Variants in TNS3 observed in about 807,000 individuals in gnomAD.
TNS3 encodes the protein tensin-3.
Under a neutral mutation model 140.9 loss-of-function variants are expected in TNS3, and 45 were observed. The observed-to-expected ratio is 0.32, with a 90% CI of 0.25 to 0.41. TNS3 has a LOEUF of 0.41. Ranked by LOEUF, TNS3 falls within the 10% of genes least tolerant of loss-of-function variation. TNS3 has a pLI of 1.00. For missense variants in TNS3, 1,716 were observed against 1,906.7 expected (o/e 0.90, Z 1.86); for synonymous variants, 815 against 788.4 (o/e 1.03, Z -0.56).
At chr7:47,356,780 C>T (rs1562630539) in intron 17 of TNS3, among the ~76,000 whole-genome samples, 1 of 152,052 alleles carries the variant, frequency 6.6e-6, no homozygotes, top group Non-Finnish European at 1.5e-5. Context: ...TTAATTAAAA[C>T]ATAGAAAAAA....
At chr7:47,483,704 C>G (rs2960228) in intron 3 of TNS3, among the ~76,000 whole-genome samples, 79,835 of 152,076 alleles carry the variant, frequency 0.52, 23,270 homozygotes, top group Middle Eastern at 0.66. Context: ...AACGGCCCAC[C>G]ACCTGGCCTG....
At chr7:47,304,693 C>T (rs552714634) in intron 21 of TNS3, 139 bp downstream of exon 21, 18 of 841,524 alleles carry the variant, frequency 2.1e-5, no homozygotes, top group African/African-American at 1.1e-4. Context: ...TCCCCTGCCC[C>T]GCCCCATCTT....
At chr7:47,321,349 C>T (rs1787724001) in intron 20 of TNS3, among the ~76,000 whole-genome samples, 1 of 152,152 alleles carries the variant, frequency 6.6e-6, no homozygotes, top group South Asian at 2.1e-4. Context: ...TCATGGGCAG[C>T]GTCTCCACGG....
chr7:47,403,000 G>A (rs1213191425), intron 13 of TNS3, among the ~76,000 whole-genome samples: 1 of 152,196 alleles, frequency 6.6e-6, no homozygotes, highest in Non-Finnish European at 1.5e-5. Context: ...AGTCCTGGCA[G>A]GCAGGGAGTG....
intron 27 of TNS3, among the ~76,000 whole-genome samples, chr7:47,285,056 G>C (rs1034810677): frequency 6.6e-6 from 1 of 152,226 alleles, no homozygotes; most frequent in Non-Finnish European, 1.5e-5. Flanking sequence ...CGTTCTGGCA[G>C]ATGTGTTGGC....
At chr7:47,320,388 A>C (rs746142341) in intron 20 of TNS3, among the ~76,000 whole-genome samples, 5 of 152,226 alleles carry the variant, frequency 3.3e-5, no homozygotes, top group East Asian at 1.9e-4. Context: ...TCTGTGAGTT[A>C]AGAGGAATCC....
At chr7:47,376,519 T>C (rs1791393973) in intron 16 of TNS3, among the ~76,000 whole-genome samples, 1 of 152,042 alleles carries the variant, frequency 6.6e-6, no homozygotes, top group South Asian at 2.1e-4. Flanking sequence ...CCCAAAGCAA[T>C]CCTGTGAAGC....
At chr7:47,289,709 G>A (rs1280504092) in intron 27 of TNS3, among the ~76,000 whole-genome samples, 2 of 152,192 alleles carry the variant, frequency 1.3e-5, no homozygotes, top group African/African-American at 2.4e-5. Context: ...AGATCTATAT[G>A]AGGAACACTA....
At chr7:47,341,513 A>G (rs2462644) in intron 20 of TNS3, among the ~76,000 whole-genome samples, 75,960 of 151,892 alleles carry the variant, frequency 0.5, 19,370 homozygotes, top group Middle Eastern at 0.61. Context: ...AAAACTATGC[A>G]TGTAGAGTAG....
intron 3 of TNS3, among the ~76,000 whole-genome samples, chr7:47,497,658 A>G (rs898231791): frequency 2.5e-4 from 12 of 48,632 alleles, no homozygotes; most frequent in African/African-American, 6.8e-4. Flanking sequence ...AGTTTCACGT[A>G]TGGAACACAC....
chr7:47,306,381 C>T (rs1467468876), intron 20 of TNS3, among the ~76,000 whole-genome samples: 1 of 152,178 alleles, frequency 6.6e-6, no homozygotes, highest in East Asian at 1.9e-4. Context: ...ACTATCAATT[C>T]ACAAATGGAA....
intron 20 of TNS3, among the ~76,000 whole-genome samples, chr7:47,313,066 T>A (rs912474291): frequency 5.3e-5 from 8 of 152,054 alleles, no homozygotes; most frequent in Non-Finnish European, 1.0e-4. Flanking sequence ...TGGAGGAACA[T>A]GTGAGGTGCA....
chr7:47,409,659 C>CT (rs201245627), intron 13 of TNS3, among the ~76,000 whole-genome samples: 1,502 of 149,214 alleles, frequency 0.01, 25 homozygotes, highest in African/African-American at 0.032. Flanking sequence ...TTGGCCTATT[C>CT]TTTTTTTTTT....
chr7:47,299,586 T>C (rs1255930099), intron 23 of TNS3, among the ~76,000 whole-genome samples: 1 of 152,230 alleles, frequency 6.6e-6, no homozygotes, highest in Non-Finnish European at 1.5e-5. Flanking sequence ...ACTGAGACTT[T>C]GGGCACCTGT....
chr7:47,385,777 C>T (rs1177085012), intron 16 of TNS3, among the ~76,000 whole-genome samples: 2 of 152,180 alleles, frequency 1.3e-5, no homozygotes, highest in Admixed American at 6.5e-5. Flanking sequence ...CGGTGGCTCC[C>T]CCGCCGCTTT....
At chr7:47,393,356 G>A (rs1050078651) in intron 16 of TNS3, among the ~76,000 whole-genome samples, 2 of 152,210 alleles carry the variant, frequency 1.3e-5, no homozygotes, top group African/African-American at 4.8e-5. Flanking sequence ...CGTGGGGATG[G>A]AGGGTCAGGA....
intron 1 of TNS3, among the ~76,000 whole-genome samples, chr7:47,566,099 C>T (rs1200172957): frequency 6.6e-6 from 1 of 152,214 alleles, no homozygotes; most frequent in Non-Finnish European, 1.5e-5. Context: ...AAGTGTCTGA[C>T]GCAGGAGGTC....
intron 1 of TNS3, among the ~76,000 whole-genome samples, chr7:47,551,447 G>T (rs1253200872): frequency 6.6e-6 from 1 of 152,220 alleles, no homozygotes; most frequent in Non-Finnish European, 1.5e-5. Flanking sequence ...GGAGCCCTGG[G>T]TGTGGCCACC....
At chr7:47,314,798 G>A (rs535344433) in intron 20 of TNS3, among the ~76,000 whole-genome samples, 25 of 152,294 alleles carry the variant, frequency 1.6e-4, no homozygotes, top group Non-Finnish European at 2.5e-4. Flanking sequence ...GATTTGCACC[G>A]TCTTGGACAG....
Sources: gnomAD v4.1 joint callset for allele counts (sites outside exome capture counted in the v4.1 genomes callset) on GRCh38, gnomAD v4.1.1 for gene constraint, MANE v1.5 for transcripts, NCBI Gene and HGNC (gene_info 2026-07-23, HGNC 2026-07-21) for gene names.